GNA12: variants seen among roughly 807,000 people sequenced by gnomAD.
GNA12 encodes guanine nucleotide-binding protein subunit alpha-12.
A neutral mutation model predicts 26.0 loss-of-function variants in GNA12; 9 were observed. The ratio of observed to expected loss-of-function variants is 0.35; its 90% CI spans 0.21 to 0.60. The LOEUF is 0.60. Ranked by LOEUF, GNA12 falls within the 20% of genes least tolerant of loss-of-function variation. GNA12 has a pLI of 0.78. For synonymous variants in GNA12, 264 were observed against 219.6 expected (o/e 1.20, Z -1.79); for missense variants, 405 against 525.8 (o/e 0.77, Z 2.25).
At chr7:2,841,916 G>C (rs73033411) in intron 1 of GNA12, among the ~76,000 whole-genome samples, 20,288 of 151,732 alleles carry the variant, frequency 0.13, 1,440 homozygotes, top group Middle Eastern at 0.28. Flanking sequence ...ACTCTGCTTT[G>C]AGATGATTGT....
intron 1 of GNA12, among the ~76,000 whole-genome samples, chr7:2,837,223 G>C (rs1000284978): frequency 2.6e-5 from 4 of 151,986 alleles, no homozygotes; most frequent in African/African-American, 9.7e-5. Flanking sequence ...GAGGGTGGGA[G>C]GGGGGAAGGC....
intron 2 of GNA12, chr7:2,763,191 A>ACACACACACACACACACACAC: frequency 4.6e-6 from 1 of 216,890 alleles, no homozygotes; most frequent in Admixed American, 6.5e-5. Flanking sequence ...AAGACACCCC[A>ACACACACACACACACACACAC]ACACACACAC....
intron 2 of GNA12, among the ~76,000 whole-genome samples, chr7:2,736,905 T>A (rs1207555239): frequency 2.0e-5 from 3 of 152,196 alleles, no homozygotes; most frequent in Admixed American, 2.0e-4. Flanking sequence ...GAAAAGAGCT[T>A]CAGATCATTC....
At chr7:2,736,512 G>A (rs1054312786) in intron 2 of GNA12, among the ~76,000 whole-genome samples, 40 of 152,312 alleles carry the variant, frequency 2.6e-4, no homozygotes, top group African/African-American at 9.6e-4. Context: ...ACCTGAGCAG[G>A]GGCTGGTGGC....
At chr7:2,829,020 C>T (rs184507665) in intron 1 of GNA12, among the ~76,000 whole-genome samples, 1 of 151,712 alleles carries the variant, frequency 6.6e-6, no homozygotes, top group African/African-American at 2.4e-5. Flanking sequence ...CTGCAGCGAG[C>T]CAAGATCACA....
At chr7:2,784,945 T>C (rs968568143) in intron 2 of GNA12, among the ~76,000 whole-genome samples, 4 of 152,212 alleles carry the variant, frequency 2.6e-5, no homozygotes, top group Non-Finnish European at 5.9e-5. Context: ...TTAACTCTAT[T>C]ACATCACACA....
chr7:2,750,786 AAC>A (rs1790995420), intron 2 of GNA12, among the ~76,000 whole-genome samples: 1 of 152,198 alleles, frequency 6.6e-6, no homozygotes, highest in African/African-American at 2.4e-5. Context: ...AGTGTGAAGA[AAC>A]ACAGTGTGAA....
chr7:2,843,994 G>T lies in GNA12; in HGVS notation c.168C>A (p.Arg56=), dbSNP rs1187589589. 6.5e-7 allele frequency: 1 copy of T among 1,550,216 alleles called. No individual in the cohort carries two copies. The change falls in exon 1 of 4, where the codon CGC becomes CGA. Residue 56 remains arginine, a synonymous_variant. Coordinates refer to ENST00000275364, the MANE Select transcript of GNA12 (RefSeq NM_007353.3). ...CGCCCAGCAGCAGGATCTTCACCAG[G>T]CGCCGGACCGCGCGCCGCTCGCGGG... ...LLARERRAVR[R]LVKILLLGAG...
At chr7:2,759,608 G>A (rs1042314168) in intron 2 of GNA12, among the ~76,000 whole-genome samples, 3 of 152,222 alleles carry the variant, frequency 2.0e-5, no homozygotes, top group African/African-American at 7.2e-5. Flanking sequence ...ATGAATTACT[G>A]TTGATGTTTT....
intron 2 of GNA12, among the ~76,000 whole-genome samples, chr7:2,739,679 T>A (rs533061648): frequency 1.3e-5 from 2 of 152,282 alleles, no homozygotes; most frequent in African/African-American, 4.8e-5. Flanking sequence ...CTATGGTAGT[T>A]CTTTTTTTAT....
intron 2 of GNA12, among the ~76,000 whole-genome samples, chr7:2,739,520 GGTTT>G (rs1790391467): frequency 6.6e-6 from 1 of 152,130 alleles, no homozygotes; most frequent in Non-Finnish European, 1.5e-5. Flanking sequence ...ATGGATATGT[GGTTT>G]GTTTTTCCAT....
At chr7:2,781,346 A>G (rs1416882666) in intron 2 of GNA12, among the ~76,000 whole-genome samples, 8 of 151,818 alleles carry the variant, frequency 5.3e-5, no homozygotes, top group Non-Finnish European at 8.8e-5. Context: ...ACACACACAC[A>G]CGCACACGTT....
chr7:2,746,031 T>G (rs192220920), intron 2 of GNA12, among the ~76,000 whole-genome samples: 2 of 152,028 alleles, frequency 1.3e-5, no homozygotes, highest in African/African-American at 4.8e-5. Context: ...AAGTCCTGAG[T>G]GACCTACAAA....
At chr7:2,834,866 T>G (rs1441078436) in intron 1 of GNA12, among the ~76,000 whole-genome samples, 1 of 152,218 alleles carries the variant, frequency 6.6e-6, no homozygotes, top group Non-Finnish European at 1.5e-5. Flanking sequence ...TAGGTTTGTG[T>G]AGGTCCACTC....
At chr7:2,842,221 CTCA>C (rs899407175) in intron 1 of GNA12, among the ~76,000 whole-genome samples, 5 of 152,088 alleles carry the variant, frequency 3.3e-5, no homozygotes, top group Admixed American at 1.3e-4. Context: ...GCACTGTTCC[CTCA>C]TCATCAGTTT....
chr7:2,766,625 A>G (rs1488514976), intron 2 of GNA12, among the ~76,000 whole-genome samples: 1 of 152,074 alleles, frequency 6.6e-6, no homozygotes, highest in African/African-American at 2.4e-5. Context: ...ACCTCAAGCA[A>G]TCCACCCACC....
chr7:2,759,850 CG>C (rs1349072265), intron 2 of GNA12, among the ~76,000 whole-genome samples: 1 of 151,884 alleles, frequency 6.6e-6, no homozygotes, highest in Non-Finnish European at 1.5e-5. Context: ...CCGTCCAATG[CG>C]ATTGTCCGCC....
At chr7:2,843,267 G>C (rs972058842) in intron 1 of GNA12, among the ~76,000 whole-genome samples, 1 of 152,184 alleles carries the variant, frequency 6.6e-6, no homozygotes, top group Non-Finnish European at 1.5e-5. Flanking sequence ...ACATCCAGGA[G>C]GGGGCTAAGT....
intron 2 of GNA12, among the ~76,000 whole-genome samples, chr7:2,790,314 C>CG (rs560816406): frequency 8.2e-4 from 125 of 152,294 alleles, no homozygotes; most frequent in African/African-American, 3.0e-3. Flanking sequence ...TGCAGTGGCG[C>CG]GATCTCAGCT....
Sources: allele counts gnomAD v4.1 joint callset (sites outside exome capture counted in the v4.1 genomes callset), GRCh38; gene constraint gnomAD v4.1.1; transcripts MANE v1.5; gene names NCBI Gene and HGNC (gene_info 2026-07-23, HGNC 2026-07-21).